Variants in LONP2 observed in about 807,000 individuals in gnomAD.
The protein encoded by LONP2 is lon protease homolog 2, peroxisomal.
Under a neutral mutation model 85.6 loss-of-function variants are expected in LONP2, and 60 were observed. The observed-to-expected ratio is 0.70, with a 90% CI of 0.57 to 0.87. LONP2 has a LOEUF of 0.87. Among genes scored for constraint, LONP2 ranks in the 40% least tolerant of loss-of-function variants. The pLI is 0.00. For missense variants in LONP2, 860 were observed against 1,063.5 expected, an observed-to-expected ratio of 0.81 and a Z score of 2.66; for synonymous variants, 395 against 389.7, an observed-to-expected ratio of 1.01 and a Z score of -0.16.
intron 11 of LONP2, among the ~76,000 whole-genome samples, chr16:48,317,798 A>G (rs1305172311): frequency 6.6e-6 from 1 of 152,254 alleles, no homozygotes; most frequent in Non-Finnish European, 1.5e-5. Context: ...CTGTCCTCTT[A>G]TGATAGATTC....
intron 11 of LONP2, among the ~76,000 whole-genome samples, chr16:48,308,886 T>A (rs1377760292): frequency 6.6e-6 from 1 of 151,934 alleles, no homozygotes; most frequent in Non-Finnish European, 1.5e-5. Flanking sequence ...AGCAAAAATA[T>A]TTGCAAAATA....
rs748179770 is a variant in LONP2, at chr16:48,362,388, G to A, written c.*525G>A. 5 of 1,614,022 alleles carry A rather than the reference G, an allele frequency of 3.1e-6. No individual in the cohort carries two copies. The highest frequency in any genetic ancestry group is 1.3e-5 in the African/African-American group (1 of 74,930). On this transcript the variant is annotated 3_prime_UTR_variant, in exon 5 of 5. Coordinates refer to the LONP2 transcript ENST00000565867. The surrounding 1 kb of genome is among the most constrained non-coding windows in gnomAD (Gnocchi z 4.2). Reference sequence around the variant, plus strand: ...CACCCTCTGGGATGGTGGACACTTCGAGGTACCGGTAGGTAATGCTGTAGC... The same window carrying A: ...CACCCTCTGGGATGGTGGACACTTCAAGGTACCGGTAGGTAATGCTGTAGC...
At chr16:48,314,192 T>C (rs1477479046) in intron 11 of LONP2, among the ~76,000 whole-genome samples, 1 of 151,822 alleles carries the variant, frequency 6.6e-6, no homozygotes, top group African/African-American at 2.4e-5. Context: ...CCTGGTAGAC[T>C]CTAGATACTA....
At chr16:48,348,014 TC>T in intron 13 of LONP2, 85 bp from the exon 14 acceptor site, 2 of 1,256,484 alleles carry the variant, frequency 1.6e-6, no homozygotes, top group South Asian at 2.7e-5. Flanking sequence ...CCCAAAACAT[TC>T]ATTTTTGTTT....
chr16:48,260,765 T>C (rs1465002439), intron 4 of LONP2, among the ~76,000 whole-genome samples: 4 of 152,214 alleles, frequency 2.6e-5, no homozygotes, highest in Non-Finnish European at 5.9e-5. Context: ...CAGAATATGT[T>C]TTTTAGATTT....
intron 2 of LONP2, among the ~76,000 whole-genome samples, chr16:48,252,575 A>C (rs1971677815): frequency 6.6e-6 from 1 of 152,218 alleles, no homozygotes; most frequent in South Asian, 2.1e-4. Context: ...AAAGTTTTCC[A>C]AATGTTATTT....
chr16:48,335,418 G>A (rs1959616060), intron 12 of LONP2, among the ~76,000 whole-genome samples: 1 of 152,178 alleles, frequency 6.6e-6, no homozygotes, highest in Non-Finnish European at 1.5e-5. Flanking sequence ...GAAGGCCTGG[G>A]TGCCAAGACC....
At chr16:48,282,428 AAG>A (rs1972350850) in intron 8 of LONP2, among the ~76,000 whole-genome samples, 1 of 151,456 alleles carries the variant, frequency 6.6e-6, no homozygotes, top group African/African-American at 2.4e-5. Flanking sequence ...AAAAAAAAAA[AAG>A]AAAGAAAGTG....
intron 11 of LONP2, among the ~76,000 whole-genome samples, chr16:48,325,023 C>A (rs962481823): frequency 3.9e-5 from 6 of 152,136 alleles, no homozygotes; most frequent in Admixed American, 6.5e-5. Context: ...GGTCCCCAAC[C>A]TTTTTGGCAC....
In LONP2 at chr16:48,354,887, T is replaced by TAG. The variant is rs1960282793; in HGVS notation, c.*3085_*3086insAG. The TAG allele has an allele frequency of 6.7e-6, 1 of 149,636 alleles. No individual in the cohort carries two copies. Among genetic ancestry groups the TAG allele is most frequent in the Non-Finnish European group, 1.5e-5 (1 of 67,322 alleles). The allele number at this position is 149,636 out of a possible 1,614,324, so 9.3% of individuals were successfully genotyped here. Reference sequence around the variant, plus strand: ...TTTTATTATTTGCAACAGTTAGCTTTCTTTGTTTCACATCTCTGCCTTGCA... The same window carrying TAG: ...TTTTATTATTTGCAACAGTTAGCTTTAGCTTTGTTTCACATCTCTGCCTTGCA... On this transcript the variant is annotated 3_prime_UTR_variant, in exon 15 of 15. Coordinates refer to ENST00000285737, the MANE Select transcript of LONP2 (RefSeq NM_031490.5).
intron 9 of LONP2, among the ~76,000 whole-genome samples, chr16:48,297,316 T>A (rs1972694540): frequency 1.3e-5 from 2 of 152,056 alleles, no homozygotes; most frequent in South Asian, 4.1e-4. Context: ...TTTTACTTAT[T>A]TTTTCTTTTT....
At chr16:48,323,383 G>A (rs988378064) in intron 11 of LONP2, among the ~76,000 whole-genome samples, 1 of 152,074 alleles carries the variant, frequency 6.6e-6, no homozygotes, top group African/African-American at 2.4e-5. Flanking sequence ...GGCCAGGTCC[G>A]TTGGCTCATG....
chr16:48,297,974 T>G (rs1253653213), intron 9 of LONP2, among the ~76,000 whole-genome samples: 1 of 152,222 alleles, frequency 6.6e-6, no homozygotes, highest in African/African-American at 2.4e-5. Context: ...ACTGGATTTC[T>G]TAATTATCTG....
intron 11 of LONP2, among the ~76,000 whole-genome samples, chr16:48,313,509 T>G (rs754017228): frequency 4.6e-5 from 7 of 152,106 alleles, no homozygotes; most frequent in Non-Finnish European, 8.8e-5. Flanking sequence ...CCCCAGTGTG[T>G]ATTTTTCCCT....
At chr16:48,339,485 T>C (rs1456847857) in intron 12 of LONP2, among the ~76,000 whole-genome samples, 1 of 152,160 alleles carries the variant, frequency 6.6e-6, no homozygotes. Flanking sequence ...AGGCAGCTCT[T>C]TAGAAGTTTG....
chr16:48,295,280 G>T (rs964953328), intron 8 of LONP2, among the ~76,000 whole-genome samples: 50 of 152,280 alleles, frequency 3.3e-4, no homozygotes, highest in African/African-American at 1.1e-3. Context: ...GCTGAGGCAG[G>T]AGAATCGCTG....
chr16:48,323,793 T>G (rs1454392317), intron 11 of LONP2, among the ~76,000 whole-genome samples: 2 of 152,190 alleles, frequency 1.3e-5, no homozygotes, highest in African/African-American at 2.4e-5. Flanking sequence ...TAAGGTTGTG[T>G]TGCCACCCCC....
intron 1 of LONP2, chr16:48,247,365 C>T (rs537153686): frequency 1.5e-3 from 227 of 152,580 alleles, no homozygotes; most frequent in Non-Finnish European, 2.0e-3. Flanking sequence ...CTGTTCCTTT[C>T]TCTTGTTTCC....
At chr16:48,361,491 AAG>A, downstream of LONP2, 4 of 1,359,906 alleles carry the variant, frequency 2.9e-6, no homozygotes, top group East Asian at 2.3e-5. Context: ...CACCTACCGA[AAG>A]AGTTTTAGGT....
Sources: allele counts gnomAD v4.1 joint callset (sites outside exome capture counted in the v4.1 genomes callset), GRCh38; gene constraint gnomAD v4.1.1; non-coding constraint Gnocchi (gnomAD v3.1); transcripts MANE v1.5; gene names NCBI Gene and HGNC (gene_info 2026-07-23, HGNC 2026-07-21).